Variants in RAB1B observed in about 807,000 individuals in gnomAD.
The protein encoded by RAB1B is RAB1B, member RAS oncogene family, also known as ras-related protein Rab-1B.
A neutral mutation model predicts 24.8 loss-of-function variants in RAB1B; 10 were observed. The ratio of observed to expected loss-of-function variants is 0.40; its 90% CI spans 0.25 to 0.68. The LOEUF (loss-of-function observed/expected upper bound fraction) is 0.68. Among genes scored for constraint, RAB1B ranks in the 30% least tolerant of loss-of-function variants. The probability of loss-of-function intolerance (pLI) is 0.37; values close to 1 mark genes in which losing one functional copy is unlikely to be tolerated. For missense variants in RAB1B, 154 were observed against 271.2 expected (o/e 0.57, Z 3.04); for synonymous variants, 99 against 111.7 (o/e 0.89, Z 0.72).
At chr11:66,272,748 T>C (rs1046177598) in intron 4 of RAB1B, among the ~76,000 whole-genome samples, 1 of 152,146 alleles carries the variant, frequency 6.6e-6, no homozygotes, top group Non-Finnish European at 1.5e-5. Flanking sequence ...TGCCACCTTA[T>C]TGTAGACCTT....
rs924386834 is a variant in RAB1B at position 66,276,949 on chromosome 11, C to T, written c.*711C>T. The T allele has an allele frequency of 9.1e-5, 14 of 153,244 alleles. No individual in the cohort carries two copies. Among genetic ancestry groups the T allele is most frequent in the African/African-American group, 3.1e-4 (13 of 41,452 alleles). 9.5% of individuals were successfully genotyped at this position (153,244 alleles called of 1,614,324 possible). ...GAGACAGACCCATGCGCTGCCTGCC[C>T]ACCGTGCCCCTTTGTCCCCATGTCA... On this transcript the variant is annotated 3_prime_UTR_variant, in exon 6 of 6. Transcript: ENST00000311481.
rs939342262 is a variant in RAB1B, at chr11:66,275,929, A to G, written c.405A>G (p.Thr135=). Residue 135 remains threonine, a synonymous_variant, in exon 5 of 6, where the codon ACA becomes ACG. Coordinates refer to ENST00000311481, the MANE Select transcript of RAB1B (RefSeq NM_030981.3). ...LTTKKVVDNT[T]AKEFADSLGI... ...CCAAGAAGGTGGTGGACAACACCAC[A>G]GCCAAGGTAGCAGACGGGCCGGTCT... 6.8e-6 allele frequency: 11 copies of G among 1,611,576 alleles called. No individual in the cohort carries two copies. Among genetic ancestry groups the G allele is most frequent in the African/African-American group, 5.3e-5 (4 of 74,922 alleles).
intron 4 of RAB1B, 76 bp downstream of exon 4, chr11:66,272,536 C>A (rs1222848386): frequency 4.2e-6 from 4 of 950,520 alleles, no homozygotes; most frequent in Non-Finnish European, 6.4e-6. Context: ...CTCCTTCCAT[C>A]CTCTCTTTCC....
At position 66,271,782 on chromosome 11, in the gene RAB1B, A is replaced by G; in HGVS notation, c.15-15A>G. On this transcript the variant is annotated splice_polypyrimidine_tract_variant and intron_variant, in intron 1 of 5. Transcript: ENST00000311481. ...TCCCTGCCTCCCTTCACGCCTTCCCATCTTCTCTCTCCAGTGACTACCTGT... is the reference window on the plus strand; with the variant it reads ...TCCCTGCCTCCCTTCACGCCTTCCCGTCTTCTCTCTCCAGTGACTACCTGT... 1.9e-6 allele frequency: 3 copies of G among 1,611,182 alleles called. No individual in the cohort carries two copies. Among genetic ancestry groups the G allele is most frequent in the Non-Finnish European group, 1.7e-6 (2 of 1,177,370 alleles).
intron 4 of RAB1B, 56 bp downstream of exon 4, chr11:66,272,516 C>A: frequency 9.0e-7 from 1 of 1,109,374 alleles, no homozygotes; most frequent in Non-Finnish European, 1.3e-6. Context: ...GTCTTTGACT[C>A]TTCTTTTTCC....
At chr11:66,273,576 G>A (rs537661038) in intron 4 of RAB1B, among the ~76,000 whole-genome samples, 2 of 152,278 alleles carry the variant, frequency 1.3e-5, no homozygotes, top group South Asian at 4.1e-4. Context: ...CTTCCCCACT[G>A]CCCTGGACTC....
At chr11:66,268,776 G>T in intron 1 of RAB1B, 83 bp downstream of exon 1, 2 of 1,374,964 alleles carry the variant, frequency 1.5e-6, no homozygotes, top group Admixed American at 6.3e-5. Flanking sequence ...GTCTGGCCCG[G>T]GTCAGGACTG....
intron 4 of RAB1B, among the ~76,000 whole-genome samples, chr11:66,274,767 C>T (rs571438827): frequency 8.2e-6 from 1 of 122,120 alleles, no homozygotes; most frequent in African/African-American, 3.0e-5. Flanking sequence ...CTCCCCCATT[C>T]CCCCTCCCTG....
rs774492513 is a variant in RAB1B, at chr11:66,272,456, A to T, written c.275A>T (p.Asp92Val). The change falls in exon 4 of 6, where the codon GAC (aspartate) becomes GTC (valine). Residue 92 changes from aspartate (D) to valine (V), a missense_variant. Around this residue, in one of 2 missense-constraint regions of RAB1B, gnomAD observed 77 missense variants for 173.4 expected, o/e 0.44. Transcript: ENST00000311481. Reference protein sequence around the residue: ...HGIIVVYDVTDQESYANVKQW... With the variant: ...HGIIVVYDVTVQESYANVKQW... ...ATCATCGTGGTGTATGACGTCACTG[A>T]CCAGGTACTCCTGGACTAGCCATCC... The T allele has an allele frequency of 2.5e-6, 4 of 1,583,734 alleles. No individual in the cohort carries two copies. The highest frequency in any genetic ancestry group is 2.6e-6 in the Non-Finnish European group (3 of 1,162,358).
intron 4 of RAB1B, 68 bp from the exon 5 acceptor site, chr11:66,275,736 T>A: frequency 6.6e-7 from 1 of 1,509,608 alleles, no homozygotes. Flanking sequence ...TCAGAGAAGG[T>A]CTTCTCCAGG....
chr11:66,275,647 G>A (rs1358297816), intron 4 of RAB1B, among the ~76,000 whole-genome samples, 157 bp from the exon 5 acceptor site: 1 of 152,200 alleles, frequency 6.6e-6, no homozygotes, highest in Admixed American at 6.5e-5. Flanking sequence ...GGAAGGTTCA[G>A]CCTGGAGCAG....
intron 4 of RAB1B, among the ~76,000 whole-genome samples, chr11:66,273,933 C>T (rs1308990366): frequency 6.6e-6 from 1 of 152,254 alleles, no homozygotes; most frequent in East Asian, 1.9e-4. Context: ...GCGCTGGCCT[C>T]ACTGTCTCTC....
At chr11:66,271,657 T>G in intron 1 of RAB1B, 140 bp from the exon 2 acceptor site, 2 of 615,466 alleles carry the variant, frequency 3.2e-6, no homozygotes, top group Non-Finnish European at 5.8e-6. Flanking sequence ...GGTGACAGAG[T>G]GAGACCTTAT....
chr11:66,271,620 G>A (rs1414386688), intron 1 of RAB1B, 177 bp from the exon 2 acceptor site: 11 of 547,416 alleles, frequency 2.0e-5, no homozygotes, highest in South Asian at 4.2e-5. Flanking sequence ...GCAATGAGCC[G>A]TGATCACTTC....
intron 1 of RAB1B, 129 bp from the exon 2 acceptor site, chr11:66,271,668 T>C (rs1857059981): frequency 3.1e-6 from 2 of 650,078 alleles, no homozygotes; most frequent in Non-Finnish European, 5.5e-6. Flanking sequence ...GAGACCTTAT[T>C]GCTAAAAAAA....
intron 4 of RAB1B, among the ~76,000 whole-genome samples, chr11:66,274,784 C>T (rs1420697782): frequency 6.7e-6 from 1 of 148,328 alleles, no homozygotes; most frequent in Non-Finnish European, 1.5e-5. Flanking sequence ...CCTGTCCCCC[C>T]TCCCTGTTGA....
intron 5 of RAB1B, 29 bp downstream of exon 5, chr11:66,275,964 C>T (rs780859927): frequency 2.1e-5 from 34 of 1,609,176 alleles, no homozygotes; most frequent in African/African-American, 2.7e-5. Flanking sequence ...TGCCCGGGGT[C>T]GGGGCGCTGG....
At chr11:66,274,214 C>T (rs989635228) in intron 4 of RAB1B, among the ~76,000 whole-genome samples, 4 of 152,146 alleles carry the variant, frequency 2.6e-5, no homozygotes, top group Non-Finnish European at 4.4e-5. Context: ...CAGTCAGTCT[C>T]GAGTCCCCTC....
At chr11:66,275,991 C>T (rs569398947) in intron 5 of RAB1B, 53 bp from the exon 6 acceptor site, 12 of 1,605,994 alleles carry the variant, frequency 7.5e-6, no homozygotes, top group Non-Finnish European at 9.3e-6. Flanking sequence ...CTGCCCCTCA[C>T]CTGCTCTCCC....
Sources: allele counts gnomAD v4.1 joint callset (sites outside exome capture counted in the v4.1 genomes callset), GRCh38; gene constraint gnomAD v4.1.1; regional missense constraint gnomAD v4.1.1; transcripts MANE v1.5; gene names NCBI Gene and HGNC (gene_info 2026-07-23, HGNC 2026-07-21).